Variants in DOCK9 observed in about 807,000 individuals in gnomAD.
The protein encoded by DOCK9 is dedicator of cytokinesis protein 9.
DOCK9 carries 89 observed loss-of-function variants against 263.3 expected under a neutral mutation model. The ratio of observed to expected loss-of-function variants is 0.34; its 90% CI spans 0.28 to 0.40. DOCK9 has a LOEUF of 0.40. DOCK9 is among the 10% of genes least tolerant of loss of function. The pLI is 1.00. For synonymous variants in DOCK9, 976 were observed against 973.1 expected (o/e 1.00, Z -0.06); for missense variants, 2,140 against 2,603.4 (o/e 0.82, Z 3.87).
intron 1 of DOCK9, among the ~76,000 whole-genome samples, chr13:98,998,234 G>A (rs558654214): frequency 2.6e-5 from 4 of 152,142 alleles, no homozygotes; most frequent in South Asian, 2.1e-4. Context: ...AGCAAGGTCC[G>A]GGCACCCAGA....
At chr13:98,809,610 GATC>G in intron 46 of DOCK9, 145 bp from the exon 47 acceptor site, 1 of 654,358 alleles carries the variant, frequency 1.5e-6, no homozygotes, top group Non-Finnish European at 2.6e-6. Flanking sequence ...AACTTGTAGT[GATC>G]ATTAATGAAT....
At chr13:98,842,150 C>A (rs1233888410) in intron 38 of DOCK9, among the ~76,000 whole-genome samples, 1 of 152,104 alleles carries the variant, frequency 6.6e-6, no homozygotes, top group African/African-American at 2.4e-5. Context: ...CCTGCTTGTG[C>A]TTTAGGTAAC....
At chr13:98,960,761 G>C (rs1326653272) in intron 1 of DOCK9, among the ~76,000 whole-genome samples, 2 of 152,164 alleles carry the variant, frequency 1.3e-5, no homozygotes, top group East Asian at 3.8e-4. Flanking sequence ...CAGGAGCAGG[G>C]ACCAACTACC....
At chr13:98,873,173 T>C (rs1256984031) in intron 27 of DOCK9, among the ~76,000 whole-genome samples, 1 of 152,178 alleles carries the variant, frequency 6.6e-6, no homozygotes, top group Non-Finnish European at 1.5e-5. Context: ...CGCCTTCCCA[T>C]TTTCCCTTGT....
chr13:98,968,871 T>C (rs1255369535), intron 1 of DOCK9, among the ~76,000 whole-genome samples: 12 of 152,228 alleles, frequency 7.9e-5, no homozygotes, highest in Admixed American at 7.9e-4. Context: ...GTGTCTCCAA[T>C]AGGCCCCTCC....
At chr13:98,971,265 C>T (rs2059701686) in intron 1 of DOCK9, among the ~76,000 whole-genome samples, 2 of 152,190 alleles carry the variant, frequency 1.3e-5, no homozygotes, top group South Asian at 4.1e-4. Flanking sequence ...TGTTCTGCAG[C>T]CTCGTGTTTA....
chr13:98,945,101 T>C (rs2056534009), intron 2 of DOCK9, among the ~76,000 whole-genome samples: 1 of 152,212 alleles, frequency 6.6e-6, no homozygotes, highest in Admixed American at 6.5e-5. Context: ...TCCTACAATA[T>C]TTCTAATAAG....
At chr13:98,870,462 T>G (rs1332338135) in intron 27 of DOCK9, among the ~76,000 whole-genome samples, 1 of 152,120 alleles carries the variant, frequency 6.6e-6, no homozygotes, top group East Asian at 1.9e-4. Flanking sequence ...CAAGGCCAAC[T>G]CTAACCCCCG....
chr13:98,917,871 C>T (rs1453643333), intron 7 of DOCK9, among the ~76,000 whole-genome samples: 12 of 152,190 alleles, frequency 7.9e-5, no homozygotes, highest in South Asian at 2.1e-4. Flanking sequence ...TTCCACCTGG[C>T]GGCACCAGCT....
intron 2 of DOCK9, among the ~76,000 whole-genome samples, chr13:98,930,750 T>C (rs1464959545): frequency 6.6e-6 from 1 of 152,098 alleles, no homozygotes; most frequent in East Asian, 1.9e-4. Context: ...GTTCAAGCGA[T>C]TCTCCTGTCT....
At chr13:99,069,936 T>G (rs1368588583) in intron 1 of DOCK9, among the ~76,000 whole-genome samples, 3 of 152,262 alleles carry the variant, frequency 2.0e-5, no homozygotes. Flanking sequence ...TTCTCTGGTC[T>G]TTAATTCCTC....
chr13:98,809,516 G>T, intron 46 of DOCK9, 51 bp from the exon 47 acceptor site: 1 of 1,440,802 alleles, frequency 6.9e-7, no homozygotes, highest in South Asian at 1.3e-5. Context: ...GAGGAGAATC[G>T]ATTTTAAAAT....
chr13:98,963,866 C>T (rs2058928047), intron 1 of DOCK9, among the ~76,000 whole-genome samples: 1 of 152,234 alleles, frequency 6.6e-6, no homozygotes, highest in African/African-American at 2.4e-5. Context: ...GTGTGGGACA[C>T]ACAAGCCTTC....
chr13:98,803,160 C>CAG (rs2140038366), intron 49 of DOCK9, among the ~76,000 whole-genome samples: 1 of 152,262 alleles, frequency 6.6e-6, no homozygotes, highest in South Asian at 2.1e-4. Context: ...GCCAACAACA[C>CAG]AGGTGTCTGC....
At chr13:98,911,584 T>C (rs572147340) in intron 9 of DOCK9, among the ~76,000 whole-genome samples, 2 of 152,154 alleles carry the variant, frequency 1.3e-5, no homozygotes, top group Non-Finnish European at 2.9e-5. Context: ...TAAAAAATTA[T>C]GTAATTCACT....
intron 38 of DOCK9, among the ~76,000 whole-genome samples, chr13:98,839,424 T>C (rs1162431585): frequency 6.6e-6 from 1 of 152,226 alleles, no homozygotes; most frequent in Non-Finnish European, 1.5e-5. Flanking sequence ...CGATGATGAC[T>C]GTTAAAGTGA....
intron 1 of DOCK9, among the ~76,000 whole-genome samples, chr13:98,999,795 G>A (rs1273274251): frequency 2.0e-5 from 3 of 152,090 alleles, no homozygotes; most frequent in Non-Finnish European, 4.4e-5. Flanking sequence ...TACAAAACTG[G>A]TCACAAAGAG....
intron 39 of DOCK9, among the ~76,000 whole-genome samples, chr13:98,835,797 T>A (rs1485792934): frequency 2.1e-5 from 3 of 139,758 alleles, no homozygotes; most frequent in Non-Finnish European, 3.0e-5. Flanking sequence ...TGGAGTGCAG[T>A]GGCGAGATCT....
intron 1 of DOCK9, among the ~76,000 whole-genome samples, chr13:99,072,048 T>C (rs961350982): frequency 1.3e-5 from 2 of 152,236 alleles, no homozygotes; most frequent in African/African-American, 4.8e-5. Context: ...CCCACCTTTT[T>C]TGCTATATCC....
Sources: allele counts gnomAD v4.1 joint callset (sites outside exome capture counted in the v4.1 genomes callset), GRCh38; gene constraint gnomAD v4.1.1; transcripts MANE v1.5; gene names NCBI Gene and HGNC (gene_info 2026-07-23, HGNC 2026-07-21).